Variants in FER1L6 observed in about 807,000 individuals in gnomAD.
FER1L6 encodes the protein fer-1 like family member 6.
A neutral mutation model predicts 219.2 loss-of-function variants in FER1L6; 177 were observed. The ratio of observed to expected loss-of-function variants is 0.81; its 90% CI spans 0.71 to 0.91. The LOEUF (loss-of-function observed/expected upper bound fraction) is 0.91. FER1L6 is among the 40% of genes least tolerant of loss of function. FER1L6 has a pLI of 0.00. For missense variants in FER1L6, 2,153 were observed against 2,259.9 expected (o/e 0.95, Z 0.96); for synonymous variants, 768 against 824.3 (o/e 0.93, Z 1.17).
chr8:123,855,794 ATATATATATGTG>A (rs1816627635), intron 1 of FER1L6, among the ~76,000 whole-genome samples: 1 of 144,942 alleles, frequency 6.9e-6, no homozygotes, highest in Admixed American at 6.9e-5. Context: ...GTGTGTATAT[ATATATATATGTG>A]TATATATATC....
chr8:124,028,301 TA>T (rs1818796657), intron 18 of FER1L6, among the ~76,000 whole-genome samples: 1 of 152,228 alleles, frequency 6.6e-6, no homozygotes, highest in Non-Finnish European at 1.5e-5. Flanking sequence ...TGAATCCAGT[TA>T]TATAAACTTG....
intron 1 of FER1L6, among the ~76,000 whole-genome samples, chr8:123,924,282 C>T (rs984557858): frequency 3.4e-5 from 5 of 147,128 alleles, no homozygotes; most frequent in African/African-American, 1.0e-4. Flanking sequence ...CGGTGGCTCA[C>T]GCCTGTAATC....
chr8:123,972,786 T>C lies in FER1L6; in HGVS notation c.448-648T>C, dbSNP rs1195069101. Reference sequence around the variant, plus strand: ...AGTTTTCTCTTTTATGGGTGACAGATTGAACTTTTCTCCTGGTTCTTCAGC... The same window carrying C: ...AGTTTTCTCTTTTATGGGTGACAGACTGAACTTTTCTCCTGGTTCTTCAGC... On this transcript the variant is annotated intron_variant, in intron 6 of 40. Coordinates refer to ENST00000522917, the MANE Select transcript of FER1L6 (RefSeq NM_001039112.2). Among the ~76,000 whole-genome samples the C allele has an allele frequency of 4.6e-5, 7 of 152,322 alleles. No homozygotes were observed. The East Asian group carries it at 1.2e-3, about 25-fold the overall frequency.
intron 16 of FER1L6, 73 bp downstream of exon 16, chr8:124,017,791 A>G (rs1818267086): frequency 1.6e-6 from 2 of 1,234,152 alleles, no homozygotes; most frequent in Non-Finnish European, 2.3e-6. Context: ...TAGGTCACAG[A>G]CCAAATGAGG....
At chr8:124,013,144 T>C (rs1818019391) in intron 14 of FER1L6, among the ~76,000 whole-genome samples, 1 of 152,204 alleles carries the variant, frequency 6.6e-6, no homozygotes, top group Admixed American at 6.5e-5. Context: ...GAGGGTAGAT[T>C]CTAAATAAAT....
chr8:123,965,304 T>C (rs1338017769), intron 3 of FER1L6, among the ~76,000 whole-genome samples: 1 of 152,214 alleles, frequency 6.6e-6, no homozygotes, highest in African/African-American at 2.4e-5. Flanking sequence ...CAACATGGTA[T>C]TGTTAGTAAC....
At chr8:123,927,196 G>T (rs563035537) in intron 1 of FER1L6, among the ~76,000 whole-genome samples, 1 of 150,858 alleles carries the variant, frequency 6.6e-6, no homozygotes, top group Admixed American at 6.6e-5. Context: ...TCTCCTGGGA[G>T]CCTAGTTTTA....
intron 22 of FER1L6, among the ~76,000 whole-genome samples, chr8:124,052,734 G>A (rs946972618): frequency 1.6e-4 from 25 of 152,090 alleles, no homozygotes; most frequent in Non-Finnish European, 2.8e-4. Flanking sequence ...GCTGTGAGCC[G>A]AGATCGTGTC....
rs1166450041 is a variant in FER1L6 at position 124,017,730 on chromosome 8, T to G, written c.2013+12T>G. The G allele has an allele frequency of 6.2e-7, 1 of 1,606,034 alleles. No individual in the cohort carries two copies. The highest frequency in any genetic ancestry group is 8.5e-7 in the Non-Finnish European group (1 of 1,173,206). On this transcript the variant is annotated intron_variant, in intron 16 of 40. Coordinates refer to ENST00000522917, the MANE Select transcript of FER1L6 (RefSeq NM_001039112.2). ...GCTGGCAGGAGCTGGTATGTGAAAATCTATTTATACTTTGTGGACAGAGTT... is the reference window on the plus strand; with the variant it reads ...GCTGGCAGGAGCTGGTATGTGAAAAGCTATTTATACTTTGTGGACAGAGTT...
intron 33 of FER1L6, among the ~76,000 whole-genome samples, chr8:124,090,437 A>T (rs1455238821): frequency 6.6e-6 from 1 of 152,214 alleles, no homozygotes; most frequent in African/African-American, 2.4e-5. Context: ...GCCAGGTAGC[A>T]GTATAGTTGT....
chr8:124,064,629 G>A, intron 26 of FER1L6, 56 bp downstream of exon 26: 1 of 1,500,068 alleles, frequency 6.7e-7, no homozygotes, highest in South Asian at 1.2e-5. Context: ...TGCATTGCAG[G>A]TCTCAGACAA....
chr8:124,051,647 T>C (rs989701823), intron 22 of FER1L6, among the ~76,000 whole-genome samples: 1 of 152,140 alleles, frequency 6.6e-6, no homozygotes, highest in African/African-American at 2.4e-5. Flanking sequence ...GATAGAAAGG[T>C]AATTACTTGC....
chr8:124,028,547 G>T (rs896819212), intron 18 of FER1L6, among the ~76,000 whole-genome samples: 1 of 151,694 alleles, frequency 6.6e-6, no homozygotes, highest in African/African-American at 2.4e-5. Flanking sequence ...GCGGGGGTGG[G>T]GAGGGGAACA....
chr8:124,048,553 A>C (rs190154848), intron 21 of FER1L6, among the ~76,000 whole-genome samples: 2 of 152,224 alleles, frequency 1.3e-5, no homozygotes, highest in African/African-American at 4.8e-5. Flanking sequence ...ACATACATAC[A>C]TACAAAAATA....
At chr8:123,881,663 C>A (rs1045556033) in intron 1 of FER1L6, among the ~76,000 whole-genome samples, 6 of 152,148 alleles carry the variant, frequency 3.9e-5, no homozygotes, top group African/African-American at 1.4e-4. Context: ...ATACCGTAGA[C>A]CCTGTGTGGC....
intron 39 of FER1L6, among the ~76,000 whole-genome samples, chr8:124,112,187 G>C (rs1351227002): frequency 6.6e-6 from 1 of 152,096 alleles, no homozygotes; most frequent in Non-Finnish European, 1.5e-5. Context: ...CTCTCCTCCC[G>C]TTCTTTGAAG....
chr8:123,939,439 A>G (rs540147417), intron 1 of FER1L6, among the ~76,000 whole-genome samples: 1 of 152,282 alleles, frequency 6.6e-6, no homozygotes, highest in Admixed American at 6.5e-5. Context: ...TTCCAAGATG[A>G]CATTACTGAA....
At chr8:123,969,903 C>A in intron 5 of FER1L6, 132 bp from the exon 6 acceptor site, 8 of 602,914 alleles carry the variant, frequency 1.3e-5, no homozygotes, top group Non-Finnish European at 1.8e-5. Context: ...TGACAATTGA[C>A]AATCAATTGA....
intron 1 of FER1L6, among the ~76,000 whole-genome samples, chr8:123,881,437 T>C (rs1817108139): frequency 6.6e-6 from 1 of 152,190 alleles, no homozygotes; most frequent in Non-Finnish European, 1.5e-5. Context: ...TTTAAGACTC[T>C]TGAGTACTGA....
Sources: gnomAD v4.1 joint callset for allele counts (sites outside exome capture counted in the v4.1 genomes callset) on GRCh38, gnomAD v4.1.1 for gene constraint, MANE v1.5 for transcripts, NCBI Gene and HGNC (gene_info 2026-07-23, HGNC 2026-07-21) for gene names.